The following CD226 variants were observed in gnomAD, a reference collection of about 807,000 sequenced individuals.
The protein encoded by CD226 is CD226 molecule, also known as CD226 antigen.
In CD226, 24 loss-of-function variants were observed where a neutral mutation model predicts 34.9. The observed-to-expected ratio is 0.69, with a 90% CI of 0.50 to 0.97. The LOEUF is 0.97. CD226 is among the 50% of genes least tolerant of loss of function. CD226 has a pLI of 0.00. For missense variants in CD226, 397 were observed against 412.7 expected (o/e 0.96, Z 0.33); for synonymous variants, 148 against 147.4 (o/e 1.00, Z -0.03).
At position 69,867,374 on chromosome 18, in the gene CD226, A is replaced by G. The variant is rs1262402202; in HGVS notation, c.868T>C (p.Ser290Pro). 3 of 1,597,374 alleles carry G rather than the reference A, an allele frequency of 1.9e-6. No homozygotes were observed. The highest frequency in any genetic ancestry group is 2.2e-5 in the East Asian group (1 of 44,754). The part of the protein sequence containing the change: ...RRERRDLFTE[S>P]WDTQKAPNNY... ...AAACTTACCTTCTGTGTATCCCAGG[A>G]CTCTGTAAATAGATCTCTTCTCTCT... The change falls in exon 5 of 6, where the codon TCC (serine) becomes CCC (proline). Residue 290 changes from serine to proline, a missense_variant. By Grantham distance (74) the Ser-to-Pro change is moderately conservative (BLOSUM62 -1). Transcript: ENST00000582621.
intron 2 of CD226, among the ~76,000 whole-genome samples, chr18:69,937,357 A>C (rs578053603): frequency 8.5e-5 from 13 of 152,306 alleles, no homozygotes; most frequent in Admixed American, 5.9e-4. Context: ...TAATTTTCTA[A>C]AGCAATTCTC....
intron 3 of CD226, among the ~76,000 whole-genome samples, chr18:69,891,729 C>T (rs1310733153): frequency 2.0e-5 from 3 of 152,068 alleles, no homozygotes; most frequent in Admixed American, 6.5e-5. Context: ...AAACAAAATC[C>T]CATCCCCAAT....
At chr18:69,937,959 T>A (rs553970308) in intron 2 of CD226, among the ~76,000 whole-genome samples, 1 of 152,318 alleles carries the variant, frequency 6.6e-6, no homozygotes, top group African/African-American at 2.4e-5. Flanking sequence ...TTGGCTGCTA[T>A]GTCAGCTGCT....
chr18:69,935,331 A>G (rs1218455044), intron 2 of CD226, among the ~76,000 whole-genome samples: 1 of 152,176 alleles, frequency 6.6e-6, no homozygotes, highest in Non-Finnish European at 1.5e-5. Flanking sequence ...CACTAATCCT[A>G]TAAGGAAGTT....
At chr18:69,922,887 T>C (rs1239193012) in intron 2 of CD226, among the ~76,000 whole-genome samples, 1 of 152,162 alleles carries the variant, frequency 6.6e-6, no homozygotes, top group African/African-American at 2.4e-5. Flanking sequence ...CTCCCAGCAC[T>C]TTGGGAGGCC....
At chr18:69,960,597 GCA>G, upstream of CD226, among the ~76,000 whole-genome samples, 1 of 152,272 alleles carries the variant, frequency 6.6e-6, no homozygotes, top group East Asian at 1.9e-4. Context: ...TTACAGGCAT[GCA>G]CCAACACGCA....
chr18:69,936,839 G>A (rs2055660155), intron 2 of CD226, among the ~76,000 whole-genome samples: 1 of 152,114 alleles, frequency 6.6e-6, no homozygotes, highest in Non-Finnish European at 1.5e-5. Context: ...TCTACACAAG[G>A]ACTAAGGAAG....
intron 3 of CD226, among the ~76,000 whole-genome samples, chr18:69,893,315 G>A (rs1985015752): frequency 6.6e-6 from 1 of 152,178 alleles, no homozygotes; most frequent in South Asian, 2.1e-4. Context: ...GTTTGACGCT[G>A]TTTATAATTT....
rs957725216 is a variant in CD226 at position 69,917,394 on chromosome 18, C to T, written c.383-21349G>A. ...GACCAGGACACTCCCTCCCCCAGCACCATCTTTCCTTCCCTCCTTCTGCTG... is the reference window on the plus strand; with the variant it reads ...GACCAGGACACTCCCTCCCCCAGCATCATCTTTCCTTCCCTCCTTCTGCTG... On this transcript the variant is annotated intron_variant, in intron 2 of 5. Coordinates refer to ENST00000582621, the MANE Select transcript of CD226 (RefSeq NM_001303618.2). Among the ~76,000 whole-genome samples the T allele has an allele frequency of 3.3e-5, 5 of 152,280 alleles. No homozygotes were observed. The East Asian group carries it at 7.7e-4, about 24-fold the overall frequency.
At chr18:69,872,001 A>G (rs1983551466) in intron 4 of CD226, among the ~76,000 whole-genome samples, 2 of 151,954 alleles carry the variant, frequency 1.3e-5, no homozygotes. Flanking sequence ...CTAAAGAGCC[A>G]GAGGTCAAGG....
chr18:69,948,822 A>G (rs2055822075), upstream of CD226, among the ~76,000 whole-genome samples: 1 of 152,202 alleles, frequency 6.6e-6, no homozygotes, highest in South Asian at 2.1e-4. Flanking sequence ...TGGAAATACA[A>G]TCATAAAGAG....
intron 2 of CD226, among the ~76,000 whole-genome samples, chr18:69,899,395 T>C (rs1387962043): frequency 2.6e-5 from 4 of 152,222 alleles, no homozygotes; most frequent in African/African-American, 9.6e-5. Context: ...AGCCTCTGTA[T>C]AGCTAGACCA....
intron 2 of CD226, among the ~76,000 whole-genome samples, chr18:69,935,443 A>C (rs1319165310): frequency 6.6e-6 from 1 of 152,200 alleles, no homozygotes; most frequent in Non-Finnish European, 1.5e-5. Context: ...TGGTCTGAGG[A>C]GGAGTCTCAA....
At chr18:69,956,631 A>G (rs1484681494) in intron 1 of CD226, 2 of 151,360 alleles carry the variant, frequency 1.3e-5, no homozygotes, top group African/African-American at 2.4e-5. Context: ...TTTTCCGGCA[A>G]CTCTCTTGTC....
chr18:69,868,284 A>C (rs745738059), intron 4 of CD226, among the ~76,000 whole-genome samples: 9 of 152,010 alleles, frequency 5.9e-5, no homozygotes, highest in Non-Finnish European at 1.2e-4. Flanking sequence ...TGAACAACAG[A>C]CTCCTCTGTT....
chr18:69,945,966 T>A (rs1334731605), intron 2 of CD226, among the ~76,000 whole-genome samples: 1 of 151,764 alleles, frequency 6.6e-6, no homozygotes, highest in Non-Finnish European at 1.5e-5. Context: ...GAGGACAGCA[T>A]GGGAAAGACT....
At chr18:69,918,403 A>G (rs964464205) in intron 2 of CD226, among the ~76,000 whole-genome samples, 1 of 151,974 alleles carries the variant, frequency 6.6e-6, no homozygotes, top group Non-Finnish European at 1.5e-5. Flanking sequence ...AAATACAAAA[A>G]TAAAATTAGC....
intron 2 of CD226, among the ~76,000 whole-genome samples, chr18:69,946,037 C>T (rs993228073): frequency 2.0e-5 from 3 of 151,424 alleles, no homozygotes; most frequent in African/African-American, 7.3e-5. Context: ...GAATTCAAAC[C>T]ATATCACGTG....
chr18:69,872,057 GGTGTGTGTGTGTGTGT>G (rs201644137), intron 4 of CD226, among the ~76,000 whole-genome samples: 2 of 143,430 alleles, frequency 1.4e-5, no homozygotes, highest in Non-Finnish European at 3.0e-5. Flanking sequence ...ATTAACAAGG[GGTGTGTGTGTGTGTGT>G]GTGTGTGTGT....
Sources: allele counts gnomAD v4.1 joint callset (sites outside exome capture counted in the v4.1 genomes callset), GRCh38; gene constraint gnomAD v4.1.1; transcripts MANE v1.5; gene names NCBI Gene and HGNC (gene_info 2026-07-23, HGNC 2026-07-21).